Variants in PTPRD observed in about 807,000 individuals in gnomAD.
PTPRD encodes the protein protein tyrosine phosphatase receptor type D.
Under a neutral mutation model 214.5 loss-of-function variants are expected in PTPRD, and 34 were observed. That is an observed-to-expected ratio of 0.16 (90% CI 0.12 to 0.21). The LOEUF (loss-of-function observed/expected upper bound fraction) is 0.21. Ranked by LOEUF, PTPRD falls within the 10% of genes least tolerant of loss-of-function variation. PTPRD has a pLI of 1.00. For synonymous variants in PTPRD, 1,128 were observed against 845.7 expected (o/e 1.33, Z -5.79); for missense variants, 2,545 against 2,398.7 (o/e 1.06, Z -1.27).
At chr9:9,364,242 G>A (rs986705008) in intron 9 of PTPRD, among the ~76,000 whole-genome samples, 1 of 151,328 alleles carries the variant, frequency 6.6e-6, no homozygotes, top group African/African-American at 2.4e-5. Flanking sequence ...TAAAGTCTGT[G>A]TAGAAGTATT....
At chr9:9,294,866 G>T (rs906122597) in intron 9 of PTPRD, among the ~76,000 whole-genome samples, 1 of 151,622 alleles carries the variant, frequency 6.6e-6, no homozygotes, top group South Asian at 2.1e-4. Flanking sequence ...TAAGCTTTAA[G>T]ATTATATTAA....
intron 9 of PTPRD, among the ~76,000 whole-genome samples, chr9:9,295,889 G>A (rs1218267763): frequency 6.6e-6 from 1 of 151,830 alleles, no homozygotes; most frequent in African/African-American, 2.4e-5. Context: ...TTTTCACATT[G>A]TAAAGCCTCT....
chr9:8,748,948 A>G (rs2093212750), intron 11 of PTPRD, among the ~76,000 whole-genome samples: 1 of 152,162 alleles, frequency 6.6e-6, no homozygotes, highest in Admixed American at 6.5e-5. Flanking sequence ...CTTGCACTTT[A>G]GATTGGTCCA....
rs559170273 is a variant in PTPRD at position 8,596,541 on chromosome 9, C to T, written c.352+36776G>A. Among the ~76,000 whole-genome samples the T allele has an allele frequency of 1.1e-4, 16 of 151,784 alleles. No individual in the cohort carries two copies. In the South Asian group the frequency reaches 1.2e-3, roughly 12 times the overall value. On this transcript the variant is annotated intron_variant, in intron 14 of 45. Coordinates refer to ENST00000381196, the MANE Select transcript of PTPRD (RefSeq NM_002839.4). ...GGCCTGCAGAGGAGCAGAAACAATG[C>T]GGAAAGTGAGAAAGAAAAGTCCAGT...
chr9:10,274,483 T>C (rs1379765667), intron 3 of PTPRD, among the ~76,000 whole-genome samples: 3 of 152,154 alleles, frequency 2.0e-5, no homozygotes, highest in Non-Finnish European at 4.4e-5. Context: ...AAGGAGAATT[T>C]GGTTTGCGCT....
intron 12 of PTPRD, among the ~76,000 whole-genome samples, chr9:8,702,537 T>C (rs2098112777): frequency 2.0e-5 from 3 of 152,218 alleles, no homozygotes; most frequent in Admixed American, 2.0e-4. Flanking sequence ...GGGAGTTTTT[T>C]GATAGACATC....
At chr9:8,382,714 C>T (rs1393956703) in intron 37 of PTPRD, among the ~76,000 whole-genome samples, 8 of 152,162 alleles carry the variant, frequency 5.3e-5, no homozygotes, top group African/African-American at 1.7e-4. Flanking sequence ...TTGTTGCCAG[C>T]GTCCTATTTA....
At chr9:8,697,238 C>T (rs1252256038) in intron 12 of PTPRD, among the ~76,000 whole-genome samples, 6 of 151,894 alleles carry the variant, frequency 4.0e-5, no homozygotes, top group Non-Finnish European at 8.8e-5. Context: ...GAGAAAAGGG[C>T]TTTTACATTC....
chr9:8,577,773 TGGG>T (rs2092606480), intron 14 of PTPRD, among the ~76,000 whole-genome samples: 1 of 152,138 alleles, frequency 6.6e-6, no homozygotes, highest in Admixed American at 6.6e-5. Context: ...CTGCATCACC[TGGG>T]AACTCATTAA....
intron 7 of PTPRD, among the ~76,000 whole-genome samples, chr9:9,590,364 G>A (rs2092597723): frequency 6.6e-6 from 1 of 151,906 alleles, no homozygotes; most frequent in African/African-American, 2.4e-5. Context: ...CTTAATAAAT[G>A]TTTATAAAAC....
intron 4 of PTPRD, among the ~76,000 whole-genome samples, chr9:10,028,121 G>C (rs1046091011): frequency 1.3e-5 from 2 of 152,126 alleles, no homozygotes; most frequent in Non-Finnish European, 2.9e-5. Flanking sequence ...TTATGATTGT[G>C]ATAAGTCTCA....
intron 2 of PTPRD, among the ~76,000 whole-genome samples, chr9:10,457,624 A>G (rs1278437963): frequency 6.6e-6 from 1 of 152,022 alleles, no homozygotes; most frequent in Non-Finnish European, 1.5e-5. Flanking sequence ...ACTGGATCAA[A>G]GAGACAGTGT....
intron 39 of PTPRD, among the ~76,000 whole-genome samples, chr9:8,370,197 CATATAT>C (rs1296507049): frequency 7.3e-5 from 7 of 95,472 alleles, no homozygotes; most frequent in African/African-American, 2.0e-4. Flanking sequence ...ATGCACTGCA[CATATAT>C]ATATACACAC....
intron 27 of PTPRD, among the ~76,000 whole-genome samples, chr9:8,490,819 TAAAC>T (rs947839576): frequency 2.2e-4 from 34 of 152,258 alleles, no homozygotes; most frequent in African/African-American, 7.9e-4. Context: ...CAAGGTATAA[TAAAC>T]AAATATCCCA....
At chr9:8,422,245 C>T (rs1004919456) in intron 35 of PTPRD, among the ~76,000 whole-genome samples, 1 of 146,432 alleles carries the variant, frequency 6.8e-6, no homozygotes, top group Non-Finnish European at 1.5e-5. Context: ...ATATATCACA[C>T]AAGTTTATTT....
chr9:9,475,427 T>A (rs191836611), intron 8 of PTPRD, among the ~76,000 whole-genome samples: 1 of 152,332 alleles, frequency 6.6e-6, no homozygotes, highest in African/African-American at 2.4e-5. Flanking sequence ...TTGCATTAGC[T>A]GTGACATTTT....
chr9:9,000,211 G>A (rs1044029785), intron 11 of PTPRD, among the ~76,000 whole-genome samples: 1 of 152,034 alleles, frequency 6.6e-6, no homozygotes, highest in African/African-American at 2.4e-5. Context: ...AATCACTCCA[G>A]ATGCACATCC....
At chr9:9,430,327 T>A (rs1334543965) in intron 8 of PTPRD, among the ~76,000 whole-genome samples, 1 of 151,660 alleles carries the variant, frequency 6.6e-6, no homozygotes, top group Admixed American at 6.6e-5. Context: ...ATAAAATACC[T>A]AGGAATCCAA....
intron 30 of PTPRD, among the ~76,000 whole-genome samples, chr9:8,481,084 G>A (rs1049984374): frequency 2.1e-5 from 3 of 142,054 alleles, no homozygotes; most frequent in Non-Finnish European, 4.5e-5. Context: ...AGCTTGCAGT[G>A]AGCAGAGATG....
Sources: allele counts gnomAD v4.1 joint callset (sites outside exome capture counted in the v4.1 genomes callset), GRCh38; gene constraint gnomAD v4.1.1; transcripts MANE v1.5; gene names NCBI Gene and HGNC (gene_info 2026-07-23, HGNC 2026-07-21).